PREX2: variants seen among roughly 807,000 people sequenced by gnomAD.
PREX2 encodes phosphatidylinositol 3,4,5-trisphosphate-dependent Rac exchanger 2 protein.
A neutral mutation model predicts 203.2 loss-of-function variants in PREX2; 107 were observed. The observed-to-expected ratio is 0.53, with a 90% CI of 0.45 to 0.62. PREX2 has a LOEUF of 0.62. Ranked by LOEUF, PREX2 falls within the 20% of genes least tolerant of loss-of-function variation. The pLI is 0.00. For synonymous variants in PREX2, 672 were observed against 663.6 expected (o/e 1.01, Z -0.19); for missense variants, 1,777 against 1,955.9 (o/e 0.91, Z 1.72).
intron 16 of PREX2, 44 bp downstream of exon 16, chr8:68,080,629 C>T (rs367960096): frequency 7.7e-5 from 117 of 1,516,830 alleles, no homozygotes; most frequent in Non-Finnish European, 1.0e-4. Context: ...CTTGATTAGA[C>T]ACTAGCAGAA....
chr8:68,037,235 T>C (rs116721993), intron 6 of PREX2, among the ~76,000 whole-genome samples: 440 of 152,316 alleles, frequency 2.9e-3, no homozygotes, highest in African/African-American at 9.7e-3. Flanking sequence ...ATTTAAAGAA[T>C]CTTGATATAA....
rs201447318 is a variant in PREX2, at chr8:68,146,238, A to G, written c.4117A>G (p.Ser1373Gly). The G allele has an allele frequency of 6.2e-7, 1 of 1,610,862 alleles. No individual in the cohort carries two copies. Among genetic ancestry groups the G allele is most frequent in the African/African-American group, 1.3e-5 (1 of 74,874 alleles). ...TCCTCTTACATATCAAGCAGAAGGA[A>G]GTCGGCAAGCTCTGAAAGTTTACTT... Reference protein sequence around the residue: ...NVPLTYQAEGSRQALKVYFYI... With the variant: ...NVPLTYQAEGGRQALKVYFYI... The change falls in exon 34 of 40, where the codon AGT (serine) becomes GGT (glycine). Residue 1373 changes from serine to glycine, a missense_variant. Transcript: ENST00000288368.
chr8:68,157,564 T>C, intron 35 of PREX2, 128 bp downstream of exon 35: 1 of 489,330 alleles, frequency 2.0e-6, no homozygotes, highest in Non-Finnish European at 3.7e-6. Flanking sequence ...ATTCCTCGGA[T>C]TTAGGGTTTA....
At chr8:68,199,203 A>T (rs1472276700) in intron 37 of PREX2, among the ~76,000 whole-genome samples, 1 of 152,206 alleles carries the variant, frequency 6.6e-6, no homozygotes, top group African/African-American at 2.4e-5. Flanking sequence ...AGCCCCACAC[A>T]GGTGTGAGAG....
rs1223227787 is a variant in PREX2, at chr8:67,985,002, G to GT, written c.141+32481dup. On this transcript the variant is annotated intron_variant, in intron 1 of 39. Transcript: ENST00000288368. ...CTTTGGGCTGTGCTTAAGTACACAA[G>GT]TTTTTTTTTTTTTTCTTGCCTTTTG... Among the ~76,000 whole-genome samples, 602 of 144,650 alleles carry GT rather than the reference G, an allele frequency of 4.2e-3. 1 individual carries two copies. The highest frequency in any genetic ancestry group is 3.8e-3 in the Non-Finnish European group (251 of 65,680). The allele number at this position is 144,650 out of a possible 152,430, so 94.9% of individuals were successfully genotyped here.
intron 1 of PREX2, among the ~76,000 whole-genome samples, chr8:68,017,121 C>T (rs1056905576): frequency 6.6e-6 from 1 of 151,996 alleles, no homozygotes; most frequent in African/African-American, 2.4e-5. Context: ...TTATTCTACT[C>T]TTTTTTAATT....
At chr8:68,085,671 T>C (rs187427582) in intron 18 of PREX2, among the ~76,000 whole-genome samples, 2 of 152,318 alleles carry the variant, frequency 1.3e-5, no homozygotes, top group African/African-American at 4.8e-5. Context: ...AATATAATGT[T>C]CTCACCAGGG....
intron 1 of PREX2, among the ~76,000 whole-genome samples, chr8:67,997,787 T>C (rs948144965): frequency 1.3e-5 from 2 of 152,156 alleles, no homozygotes; most frequent in Non-Finnish European, 2.9e-5. Context: ...TTAAAATATA[T>C]ATTGTCATAA....
chr8:68,040,330 C>T (rs536786982), intron 7 of PREX2, among the ~76,000 whole-genome samples: 1 of 152,190 alleles, frequency 6.6e-6, no homozygotes, highest in East Asian at 1.9e-4. Flanking sequence ...TTGGCCCCAC[C>T]TAGAATAAAA....
intron 37 of PREX2, among the ~76,000 whole-genome samples, chr8:68,193,287 C>G (rs200822705): frequency 6.6e-6 from 1 of 152,306 alleles, no homozygotes; most frequent in East Asian, 1.9e-4. Context: ...GGGAGCTAGT[C>G]TGTCATGAGA....
At chr8:68,219,220 T>A (rs1812905194) in intron 38 of PREX2, among the ~76,000 whole-genome samples, 1 of 152,120 alleles carries the variant, frequency 6.6e-6, no homozygotes, top group Non-Finnish European at 1.5e-5. Flanking sequence ...TGGTGACATA[T>A]CCATTTCTAC....
At chr8:68,117,568 T>C (rs1217645210) in intron 26 of PREX2, among the ~76,000 whole-genome samples, 1 of 152,218 alleles carries the variant, frequency 6.6e-6, no homozygotes, top group East Asian at 1.9e-4. Context: ...AGTTATCAGA[T>C]AATTAAAATT....
chr8:68,131,999 G>A (rs1233005424), intron 31 of PREX2, among the ~76,000 whole-genome samples: 2 of 152,112 alleles, frequency 1.3e-5, no homozygotes, highest in Non-Finnish European at 2.9e-5. Context: ...CAACAAAGAT[G>A]TAGGGCAATT....
At chr8:68,087,621 C>G (rs1809732849) in intron 18 of PREX2, 103 bp from the exon 19 acceptor site, 1 of 857,018 alleles carries the variant, frequency 1.2e-6, no homozygotes, top group Non-Finnish European at 2.0e-6. Flanking sequence ...CACTGTAGAT[C>G]CTCAATATGT....
chr8:68,059,426 C>G (rs1442384649), intron 10 of PREX2, among the ~76,000 whole-genome samples: 1 of 152,088 alleles, frequency 6.6e-6, no homozygotes, highest in Non-Finnish European at 1.5e-5. Context: ...CCTTCACAGC[C>G]ACAGCAGTGT....
chr8:68,105,904 A>G (rs151108940), intron 23 of PREX2: 1 of 155,436 alleles, frequency 6.4e-6, no homozygotes, highest in East Asian at 1.9e-4. Flanking sequence ...TATATATGGC[A>G]CATGTATTAT....
intron 35 of PREX2, among the ~76,000 whole-genome samples, chr8:68,163,866 A>C (rs1811699435): frequency 6.6e-6 from 1 of 152,184 alleles, no homozygotes; most frequent in Admixed American, 6.5e-5. Flanking sequence ...TATTGTAAAC[A>C]ATAGCCCTCA....
intron 17 of PREX2, among the ~76,000 whole-genome samples, chr8:68,081,257 G>C (rs1022726782): frequency 6.6e-6 from 1 of 152,094 alleles, no homozygotes; most frequent in African/African-American, 2.4e-5. Context: ...AATTGGGTTC[G>C]CGCTCCTATG....
At chr8:68,216,830 C>T (rs1221457329) in intron 37 of PREX2, among the ~76,000 whole-genome samples, 1 of 151,962 alleles carries the variant, frequency 6.6e-6, no homozygotes, top group Admixed American at 6.6e-5. Flanking sequence ...GTGGCATGCA[C>T]CTGTAATCCC....
Sources: gnomAD v4.1 joint callset for allele counts (sites outside exome capture counted in the v4.1 genomes callset) on GRCh38, gnomAD v4.1.1 for gene constraint, MANE v1.5 for transcripts, NCBI Gene and HGNC (gene_info 2026-07-23, HGNC 2026-07-21) for gene names.